FBXO4: variants seen among roughly 807,000 people sequenced by gnomAD.
FBXO4 encodes the protein F-box only protein 4.
A neutral mutation model predicts 43.7 loss-of-function variants in FBXO4; 36 were observed. The observed-to-expected ratio is 0.82, with a 90% CI of 0.63 to 1.09. The LOEUF (loss-of-function observed/expected upper bound fraction) is 1.09. FBXO4 is among the 50% of genes least tolerant of loss of function. FBXO4 has a pLI of 0.00. For synonymous variants in FBXO4, 180 were observed against 165.6 expected (o/e 1.09, Z -0.67); for missense variants, 435 against 474.1 (o/e 0.92, Z 0.77).
the FBXO4 span, among the ~76,000 whole-genome samples, chr5:41,998,537 A>C: frequency 6.6e-6 from 1 of 152,174 alleles, no homozygotes; most frequent in South Asian, 2.1e-4. Flanking sequence ...TAACCCAGCA[A>C]ATAAATTATT....
At chr5:41,956,073 C>T in the FBXO4 span, among the ~76,000 whole-genome samples, 1 of 152,126 alleles carries the variant, frequency 6.6e-6, no homozygotes. Flanking sequence ...ATAGTGTCAT[C>T]CATTCAGTTA....
the FBXO4 span, among the ~76,000 whole-genome samples, chr5:42,017,926 G>A: frequency 1.3e-5 from 2 of 151,904 alleles, no homozygotes; most frequent in South Asian, 4.1e-4. Flanking sequence ...TGTCTTTTTG[G>A]TAGATGATTT....
At chr5:42,001,214 G>A in the FBXO4 span, among the ~76,000 whole-genome samples, 3,526 of 136,132 alleles carry the variant, frequency 0.026, 170 homozygotes, top group African/African-American at 0.092. Context: ...TGAAAACATT[G>A]TCATTCATTC....
chr5:42,031,267 A>G, the FBXO4 span, among the ~76,000 whole-genome samples: 1 of 152,158 alleles, frequency 6.6e-6, no homozygotes, highest in Non-Finnish European at 1.5e-5. Context: ...ACCATGGAAT[A>G]CTATGCAGCC....
the FBXO4 span, among the ~76,000 whole-genome samples, chr5:41,986,798 C>T: frequency 1.3e-5 from 2 of 152,020 alleles, no homozygotes; most frequent in Admixed American, 6.6e-5. Context: ...TGTGAATCCT[C>T]GAAAAACTTC....
the FBXO4 span, among the ~76,000 whole-genome samples, chr5:42,036,771 C>T: frequency 6.6e-6 from 1 of 152,080 alleles, no homozygotes; most frequent in African/African-American, 2.4e-5. Flanking sequence ...ATGATACAAA[C>T]TTGTAAATGA....
At chr5:41,951,654 T>G in the FBXO4 span, 2 of 203,110 alleles carry the variant, frequency 9.8e-6, no homozygotes, top group South Asian at 1.7e-4. Flanking sequence ...AGCACGTGCA[T>G]AACTTCTTGG....
At chr5:41,934,090 T>C (rs1751777209) in intron 4 of FBXO4, 43 bp from the exon 5 acceptor site, 1 of 1,611,916 alleles carries the variant, frequency 6.2e-7, no homozygotes, top group Non-Finnish European at 8.5e-7. Context: ...GTGGAGCCTG[T>C]TTAGTGTCTT....
At chr5:41,933,802 C>T (rs989533257) in intron 3 of FBXO4, 144 bp from the exon 4 acceptor site, 15 of 620,384 alleles carry the variant, frequency 2.4e-5, no homozygotes, top group Admixed American at 2.3e-4. Flanking sequence ...TTTTCTTCAA[C>T]GTATACATTT....
the FBXO4 span, among the ~76,000 whole-genome samples, chr5:41,958,070 A>G: frequency 6.6e-6 from 1 of 152,024 alleles, no homozygotes; most frequent in Non-Finnish European, 1.5e-5. Flanking sequence ...TATTTAACAT[A>G]TACGTTATCT....
chr5:41,968,753 TA>T, the FBXO4 span, among the ~76,000 whole-genome samples: 1 of 152,184 alleles, frequency 6.6e-6, no homozygotes, highest in Non-Finnish European at 1.5e-5. Flanking sequence ...TACGTAATAA[TA>T]ATAAATTACT....
At chr5:42,004,026 C>G in the FBXO4 span, among the ~76,000 whole-genome samples, 54 of 152,194 alleles carry the variant, frequency 3.5e-4, 1 homozygote, top group South Asian at 8.3e-4. Flanking sequence ...ACATATACAC[C>G]GTGGAATATT....
chr5:41,941,864 TCTTA>T (rs910820160), downstream of FBXO4: 8 of 152,322 alleles, frequency 5.3e-5, no homozygotes, highest in African/African-American at 1.4e-4. Context: ...TCCTGATAGT[TCTTA>T]CTATTTTCAG....
At chr5:42,032,023 T>C in the FBXO4 span, among the ~76,000 whole-genome samples, 1 of 151,690 alleles carries the variant, frequency 6.6e-6, no homozygotes, top group Non-Finnish European at 1.5e-5. Flanking sequence ...CCCAAACAGC[T>C]GTAGTCTCTC....
chr5:42,032,730 G>T, the FBXO4 span, among the ~76,000 whole-genome samples: 1 of 152,094 alleles, frequency 6.6e-6, no homozygotes, highest in Admixed American at 6.6e-5. Context: ...ACCCCCCCGT[G>T]GCTGTGCTAG....
At chr5:42,016,798 A>G in the FBXO4 span, among the ~76,000 whole-genome samples, 1 of 152,058 alleles carries the variant, frequency 6.6e-6, no homozygotes, top group Non-Finnish European at 1.5e-5. Context: ...AAAGAAAGAT[A>G]TGATTGGCTG....
At chr5:41,982,350 G>A in the FBXO4 span, among the ~76,000 whole-genome samples, 1 of 152,108 alleles carries the variant, frequency 6.6e-6, no homozygotes, top group African/African-American at 2.4e-5. Flanking sequence ...GGTTGAACTA[G>A]TTTACAGTCC....
chr5:41,937,043 G>A (rs1046842632), intron 5 of FBXO4, among the ~76,000 whole-genome samples: 3 of 152,144 alleles, frequency 2.0e-5, no homozygotes, highest in Non-Finnish European at 2.9e-5. Flanking sequence ...GCTGACCCCT[G>A]ATCTAACTTA....
At chr5:41,960,391 A>G in the FBXO4 span, among the ~76,000 whole-genome samples, 1 of 152,068 alleles carries the variant, frequency 6.6e-6, no homozygotes, top group Non-Finnish European at 1.5e-5. Flanking sequence ...ACTATATTGA[A>G]CAGAAGTGTC....
Sources: gnomAD v4.1 joint callset for allele counts (sites outside exome capture counted in the v4.1 genomes callset) on GRCh38, gnomAD v4.1.1 for gene constraint, MANE v1.5 for transcripts, NCBI Gene and HGNC (gene_info 2026-07-23, HGNC 2026-07-21) for gene names.